SUMF1: variants seen among roughly 807,000 people sequenced by gnomAD.
The protein encoded by SUMF1 is formylglycine-generating enzyme.
SUMF1 carries 48 observed loss-of-function variants against 47.6 expected under a neutral mutation model. That is an observed-to-expected ratio of 1.01 (90% CI 0.80 to 1.28). The LOEUF (loss-of-function observed/expected upper bound fraction) is 1.28. Ranked by LOEUF, SUMF1 falls within the 50% of genes most tolerant of loss-of-function variation. SUMF1 has a pLI of 0.00. For missense variants in SUMF1, 571 were observed against 485.4 expected (o/e 1.18, Z -1.66); for synonymous variants, 230 against 192.1 (o/e 1.20, Z -1.63).
At chr3:4,056,486 C>A (rs888447265) in intron 9 of SUMF1, among the ~76,000 whole-genome samples, 1 of 152,004 alleles carries the variant, frequency 6.6e-6, no homozygotes, top group African/African-American at 2.4e-5. Flanking sequence ...CCAGCCTGGG[C>A]CGCATAGTGA....
At chr3:4,271,463 A>G (rs941790904) in intron 8 of SUMF1, among the ~76,000 whole-genome samples, 1 of 138,362 alleles carries the variant, frequency 7.2e-6, no homozygotes, top group African/African-American at 2.7e-5. Flanking sequence ...GTTTTATACT[A>G]TCTATAGATA....
chr3:4,234,119 C>T (rs1153572), intron 8 of SUMF1, among the ~76,000 whole-genome samples: 93,893 of 151,854 alleles, frequency 0.62, 29,959 homozygotes, highest in African/African-American at 0.76. Context: ...GTTTAATTTA[C>T]CCATAGTTAC....
intron 7 of SUMF1, among the ~76,000 whole-genome samples, chr3:4,388,380 TCTGA>T (rs1312774882): frequency 6.6e-6 from 1 of 152,100 alleles, no homozygotes; most frequent in Non-Finnish European, 1.5e-5. Context: ...ATATAGCCAC[TCTGA>T]CTTTCCTTTG....
chr3:4,131,835 A>C (rs1353301239), intron 8 of SUMF1, among the ~76,000 whole-genome samples: 3 of 152,158 alleles, frequency 2.0e-5, no homozygotes, highest in Admixed American at 2.0e-4. Flanking sequence ...TGGGGACACC[A>C]CTCAGCCTCT....
chr3:4,104,270 C>T (rs1042254632), intron 8 of SUMF1, among the ~76,000 whole-genome samples: 3 of 152,058 alleles, frequency 2.0e-5, no homozygotes, highest in African/African-American at 7.3e-5. Flanking sequence ...TCGTCTGCCA[C>T]CATGTAAGAT....
At chr3:4,396,090 G>A (rs535999073) in intron 7 of SUMF1, among the ~76,000 whole-genome samples, 2 of 152,274 alleles carry the variant, frequency 1.3e-5, no homozygotes, top group African/African-American at 4.8e-5. Flanking sequence ...GGAATGTTTG[G>A]ACACCCACTC....
intron 8 of SUMF1, among the ~76,000 whole-genome samples, chr3:4,330,005 A>G (rs1699018836): frequency 6.6e-6 from 1 of 152,162 alleles, no homozygotes; most frequent in Admixed American, 6.5e-5. Context: ...GCAGGGTCAA[A>G]ATGCCACTAG....
At chr3:4,365,115 T>C (rs1427532300) in intron 8 of SUMF1, among the ~76,000 whole-genome samples, 1 of 147,158 alleles carries the variant, frequency 6.8e-6, no homozygotes, top group Admixed American at 6.8e-5. Context: ...TTACATTTGC[T>C]GAGGAGAGCT....
At chr3:4,051,947 C>T (rs923348640) in intron 9 of SUMF1, among the ~76,000 whole-genome samples, 1 of 152,114 alleles carries the variant, frequency 6.6e-6, no homozygotes, top group African/African-American at 2.4e-5. Flanking sequence ...CAACTAACAA[C>T]CATAGGGCAC....
At chr3:4,388,868 T>TA (rs1233542299) in intron 7 of SUMF1, among the ~76,000 whole-genome samples, 2 of 152,158 alleles carry the variant, frequency 1.3e-5, no homozygotes, top group Non-Finnish European at 2.9e-5. Flanking sequence ...ATCAAAACCG[T>TA]AACTCTCTTT....
At chr3:4,068,264 T>A (rs911878507) in intron 9 of SUMF1, among the ~76,000 whole-genome samples, 4 of 149,074 alleles carry the variant, frequency 2.7e-5, no homozygotes, top group Middle Eastern at 3.2e-3. Context: ...CTCAGTGGAA[T>A]GTGTTCTTAA....
At chr3:4,370,162 T>C (rs2125203859) in intron 8 of SUMF1, among the ~76,000 whole-genome samples, 1 of 152,320 alleles carries the variant, frequency 6.6e-6, no homozygotes, top group South Asian at 2.1e-4. Flanking sequence ...GAAAGGCCTC[T>C]CTGAGAAGAT....
intron 8 of SUMF1, among the ~76,000 whole-genome samples, chr3:4,267,209 G>A (rs533835742): frequency 0.014 from 2,175 of 152,112 alleles, 54 homozygotes; most frequent in African/African-American, 0.05. Flanking sequence ...GTCTCTGCCC[G>A]GCTTTGGTAT....
At chr3:4,237,108 T>G (rs1259104641) in intron 8 of SUMF1, among the ~76,000 whole-genome samples, 3 of 152,128 alleles carry the variant, frequency 2.0e-5, no homozygotes, top group Admixed American at 1.3e-4. Flanking sequence ...TATCACATCA[T>G]AGGGATATAT....
At chr3:4,192,900 C>A (rs914087364) in intron 8 of SUMF1, among the ~76,000 whole-genome samples, 15 of 152,184 alleles carry the variant, frequency 9.9e-5, no homozygotes, top group African/African-American at 3.4e-4. Context: ...GATGATGGGC[C>A]CTGCTTCCAA....
rs77911538 is a variant in SUMF1, at chr3:4,066,935, A to G, written c.1191+1634T>C. Among the ~76,000 whole-genome samples, 500 of 152,176 alleles carry G rather than the reference A, an allele frequency of 3.3e-3. 3 individuals carry two copies. The highest frequency in any genetic ancestry group is 0.011 in the African/African-American group (463 of 41,520). On this transcript the variant is annotated intron_variant and NMD_transcript_variant, in intron 9 of 12. Coordinates refer to the SUMF1 transcript ENST00000448413. ...TCCTTGTTTGCCCTATCCTCTGCCC[A>G]TTTCTCAACTGGATGGTGTTCCTTA...
At chr3:4,245,772 A>C (rs979783571) in intron 8 of SUMF1, among the ~76,000 whole-genome samples, 1 of 152,194 alleles carries the variant, frequency 6.6e-6, no homozygotes, top group African/African-American at 2.4e-5. Context: ...TGCTCTCTTC[A>C]GAGCTGTCAG....
At chr3:4,354,224 A>T (rs1699569710) in intron 8 of SUMF1, among the ~76,000 whole-genome samples, 1 of 152,190 alleles carries the variant, frequency 6.6e-6, no homozygotes, top group South Asian at 2.1e-4. Flanking sequence ...AATATCAAAG[A>T]AGGATTAAAT....
chr3:4,084,281 G>A (rs1303854344), intron 8 of SUMF1, among the ~76,000 whole-genome samples: 1 of 152,070 alleles, frequency 6.6e-6, no homozygotes, highest in Non-Finnish European at 1.5e-5. Flanking sequence ...TGCAACCACT[G>A]GACCCAATAG....
Sources: allele counts gnomAD v4.1 joint callset (sites outside exome capture counted in the v4.1 genomes callset), GRCh38; gene constraint gnomAD v4.1.1; transcripts MANE v1.5; gene names NCBI Gene and HGNC (gene_info 2026-07-23, HGNC 2026-07-21).